Variants in POU6F2 observed in about 807,000 individuals in gnomAD.
POU6F2 encodes the protein POU domain, class 6, transcription factor 2.
A neutral mutation model predicts 71.3 loss-of-function variants in POU6F2; 31 were observed. That is an observed-to-expected ratio of 0.43 (90% CI 0.33 to 0.59). POU6F2 has a LOEUF of 0.59. POU6F2 is among the 20% of genes least tolerant of loss of function. The pLI is 0.04. For synonymous variants in POU6F2, 347 were observed against 355.7 expected, an observed-to-expected ratio of 0.98 and a Z score of 0.27; for missense variants, 783 against 856.8, an observed-to-expected ratio of 0.91 and a Z score of 1.07.
intron 5 of POU6F2, among the ~76,000 whole-genome samples, chr7:39,380,768 T>C (rs914148651): frequency 2.0e-5 from 3 of 152,196 alleles, no homozygotes; most frequent in African/African-American, 7.2e-5. Flanking sequence ...TCTTCCCTTC[T>C]TGGTTCTCTT....
At chr7:39,448,581 T>C (rs1463472266) in intron 7 of POU6F2, among the ~76,000 whole-genome samples, 1 of 152,228 alleles carries the variant, frequency 6.6e-6, no homozygotes, top group Non-Finnish European at 1.5e-5. Flanking sequence ...AATTATTTTA[T>C]TTTCATCTGA....
chr7:39,267,003 T>C (rs1051878005), intron 4 of POU6F2, among the ~76,000 whole-genome samples: 1 of 152,178 alleles, frequency 6.6e-6, no homozygotes, highest in Non-Finnish European at 1.5e-5. Flanking sequence ...TGCGTAGTGA[T>C]TTTGAAATGA....
At chr7:39,112,003 G>C (rs34428849) in intron 2 of POU6F2, among the ~76,000 whole-genome samples, 4,535 of 152,230 alleles carry the variant, frequency 0.03, 94 homozygotes, top group Middle Eastern at 0.078. Flanking sequence ...ATTAAATGTG[G>C]CCTGTTGAGA....
intron 5 of POU6F2, among the ~76,000 whole-genome samples, chr7:39,353,749 T>C (rs1450221382): frequency 6.6e-6 from 1 of 152,300 alleles, no homozygotes; most frequent in Admixed American, 6.5e-5. Context: ...CCAAAGGTGA[T>C]GGACTGGGGC....
At chr7:39,240,902 C>CA (rs1304424168) in intron 4 of POU6F2, among the ~76,000 whole-genome samples, 1 of 152,090 alleles carries the variant, frequency 6.6e-6, no homozygotes, top group East Asian at 1.9e-4. Flanking sequence ...AAAAGGGAGA[C>CA]AGCATCTTTA....
intron 4 of POU6F2, among the ~76,000 whole-genome samples, chr7:39,232,050 T>G (rs1794586761): frequency 2.0e-5 from 3 of 152,190 alleles, no homozygotes; most frequent in Admixed American, 2.0e-4. Flanking sequence ...TGTCTATAAT[T>G]TTCCCTGCAT....
intron 4 of POU6F2, among the ~76,000 whole-genome samples, chr7:39,260,623 C>CA (rs1784118346): frequency 6.6e-6 from 1 of 151,006 alleles, no homozygotes; most frequent in Admixed American, 6.6e-5. Flanking sequence ...ACAATACAGA[C>CA]ACCACACACC....
intron 1 of POU6F2, among the ~76,000 whole-genome samples, chr7:39,081,756 G>C (rs1187356983): frequency 6.6e-6 from 1 of 152,180 alleles, no homozygotes; most frequent in Non-Finnish European, 1.5e-5. Context: ...TCTGGGACTA[G>C]GTTATCCAGG....
At chr7:39,327,405 C>T (rs12530511) in intron 4 of POU6F2, among the ~76,000 whole-genome samples, 16,666 of 151,914 alleles carry the variant, frequency 0.11, 1,168 homozygotes, top group Non-Finnish European at 0.15. Flanking sequence ...AGTGTGAATT[C>T]GCCAGTTTCA....
intron 3 of POU6F2, among the ~76,000 whole-genome samples, chr7:39,204,697 G>T (rs1203073835): frequency 6.6e-6 from 1 of 151,856 alleles, no homozygotes; most frequent in Non-Finnish European, 1.5e-5. Flanking sequence ...AGCCATTTTT[G>T]AAATAGAAGA....
chr7:39,198,985 G>A (rs1793841064), intron 2 of POU6F2, among the ~76,000 whole-genome samples: 1 of 152,196 alleles, frequency 6.6e-6, no homozygotes, highest in South Asian at 2.1e-4. Context: ...CTTCACTGGT[G>A]GAAACTGCAA....
At chr7:39,054,266 T>A (rs1790460987) in intron 1 of POU6F2, among the ~76,000 whole-genome samples, 1 of 152,102 alleles carries the variant, frequency 6.6e-6, no homozygotes, top group African/African-American at 2.4e-5. Flanking sequence ...ATTATTATTA[T>A]CCTATTAATT....
At chr7:39,027,300 C>T (rs1584506962) in intron 1 of POU6F2, among the ~76,000 whole-genome samples, 2 of 152,296 alleles carry the variant, frequency 1.3e-5, no homozygotes, top group East Asian at 1.9e-4. Context: ...CATTACTGTA[C>T]ATCAAGCAGG....
chr7:39,080,660 G>A (rs62442189), intron 1 of POU6F2, among the ~76,000 whole-genome samples: 16,671 of 152,122 alleles, frequency 0.11, 994 homozygotes, highest in Middle Eastern at 0.16. Flanking sequence ...AAGCCTGCCT[G>A]TGTTATTTGC....
chr7:39,447,447 A>G (rs957226322), intron 7 of POU6F2, among the ~76,000 whole-genome samples: 7 of 152,202 alleles, frequency 4.6e-5, no homozygotes, highest in African/African-American at 1.7e-4. Context: ...CTCTTGAGTC[A>G]GACTTACATG....
intron 2 of POU6F2, among the ~76,000 whole-genome samples, chr7:39,177,216 C>CA (rs1037614760): frequency 2.0e-5 from 3 of 152,176 alleles, no homozygotes; most frequent in African/African-American, 7.2e-5. Context: ...CCCTTGCCTC[C>CA]ACCCTCCTTT....
At chr7:38,982,067 G>C (rs993259870) in intron 1 of POU6F2, among the ~76,000 whole-genome samples, 2 of 152,030 alleles carry the variant, frequency 1.3e-5, no homozygotes, top group Non-Finnish European at 2.9e-5. Flanking sequence ...TAGGGAGAGG[G>C]GACACTGGCT....
intron 2 of POU6F2, among the ~76,000 whole-genome samples, chr7:39,109,406 G>C (rs2128725239): frequency 6.6e-6 from 1 of 152,264 alleles, no homozygotes; most frequent in East Asian, 1.9e-4. Context: ...TCATATGAAA[G>C]CACCACAGTT....
chr7:39,046,753 G>A (rs1389892543), intron 1 of POU6F2, among the ~76,000 whole-genome samples: 1 of 151,892 alleles, frequency 6.6e-6, no homozygotes, highest in African/African-American at 2.4e-5. Context: ...AAAATGTCTC[G>A]AGACATTATC....
Sources: allele counts gnomAD v4.1 joint callset (sites outside exome capture counted in the v4.1 genomes callset), GRCh38; gene constraint gnomAD v4.1.1; transcripts MANE v1.5; gene names NCBI Gene and HGNC (gene_info 2026-07-23, HGNC 2026-07-21).